Variants in ATP8A1 observed in about 807,000 individuals in gnomAD.
ATP8A1 encodes phospholipid-transporting ATPase IA.
ATP8A1 carries 90 observed loss-of-function variants against 177.7 expected under a neutral mutation model. The observed-to-expected ratio is 0.51, with a 90% CI of 0.43 to 0.60. The LOEUF (loss-of-function observed/expected upper bound fraction) is 0.60. ATP8A1 is among the 20% of genes least tolerant of loss of function. The pLI is 0.00. For synonymous variants in ATP8A1, 493 were observed against 485.9 expected (o/e 1.01, Z -0.19); for missense variants, 1,072 against 1,392.8 (o/e 0.77, Z 3.67).
In ATP8A1 at chr4:42,522,268, C is replaced by G; in HGVS notation, c.1839G>C (p.Glu613Asp). The G allele has an allele frequency of 6.2e-7, 1 of 1,613,776 alleles. No individual in the cohort carries two copies. The stretch of plus-strand genomic sequence containing the variant: ...ACTCCTGAAAGTCGCTCTCTGAAAT[C>G]TCAGCCACAGCAAAACATAAAGTTC... Reference protein sequence around the residue: ...GLRTLCFAVAEISESDFQEWR... With the variant: ...GLRTLCFAVADISESDFQEWR... Residue 613 changes from glutamate (E) to aspartate (D), a missense_variant, in exon 22 of 37, where the codon GAG (glutamate) becomes GAC (aspartate). Glu to Asp is a conservative substitution (Grantham distance 45). Transcript: ENST00000381668.
At chr4:42,420,489 C>A (rs1214370332) in intron 35 of ATP8A1, among the ~76,000 whole-genome samples, 1 of 152,156 alleles carries the variant, frequency 6.6e-6, no homozygotes, top group East Asian at 1.9e-4. Context: ...CCTTTTTGGG[C>A]TCTCTGGCTT....
intron 24 of ATP8A1, among the ~76,000 whole-genome samples, chr4:42,498,790 G>A (rs1723534370): frequency 4.6e-5 from 7 of 152,038 alleles, no homozygotes; most frequent in Admixed American, 4.6e-4. Context: ...AAATGAGATG[G>A]ACATTTTCAT....
chr4:42,447,262 C>T (rs1389144792), intron 30 of ATP8A1, among the ~76,000 whole-genome samples: 1 of 152,176 alleles, frequency 6.6e-6, no homozygotes, highest in African/African-American at 2.4e-5. Context: ...CGGCTCACTG[C>T]AACCTCCGCT....
intron 1 of ATP8A1, among the ~76,000 whole-genome samples, chr4:42,630,767 G>A (rs557338192): frequency 6.6e-6 from 1 of 152,316 alleles, no homozygotes; most frequent in African/African-American, 2.4e-5. Context: ...CATGCAATGG[G>A]TTTGAACTCC....
At chr4:42,625,891 AATGGTAAAGC>A in intron 2 of ATP8A1, 178 bp from the exon 3 acceptor site, 3 of 430,318 alleles carry the variant, frequency 7.0e-6, no homozygotes, top group Non-Finnish European at 1.3e-5. Flanking sequence ...AGGTTAAATA[AATGGTAAAGC>A]ATGAATACCA....
At chr4:42,529,489 T>A (rs1414246235) in intron 20 of ATP8A1, among the ~76,000 whole-genome samples, 1 of 152,168 alleles carries the variant, frequency 6.6e-6, no homozygotes, top group Non-Finnish European at 1.5e-5. Context: ...CACTGCATCA[T>A]CAAATTGAAG....
intron 20 of ATP8A1, among the ~76,000 whole-genome samples, chr4:42,542,138 T>C (rs1034291175): frequency 5.9e-5 from 9 of 152,158 alleles, no homozygotes; most frequent in Non-Finnish European, 1.0e-4. Context: ...AGGGTGTATA[T>C]GTGGACTCTA....
intron 17 of ATP8A1, 98 bp downstream of exon 17, chr4:42,552,407 A>G: frequency 1.2e-5 from 12 of 1,004,862 alleles, no homozygotes; most frequent in Middle Eastern, 2.1e-4. Context: ...TTTTTATCTA[A>G]AAAACACTCA....
At chr4:42,569,593 T>C (rs1449133125) in intron 14 of ATP8A1, among the ~76,000 whole-genome samples, 1 of 152,206 alleles carries the variant, frequency 6.6e-6, no homozygotes, top group Non-Finnish European at 1.5e-5. Context: ...CATGCTAATA[T>C]CTTGAAACAA....
At chr4:42,656,095 C>G (rs1030063325) in intron 1 of ATP8A1, among the ~76,000 whole-genome samples, 2 of 152,168 alleles carry the variant, frequency 1.3e-5, no homozygotes, top group African/African-American at 2.4e-5. Context: ...TCTGGGCCCT[C>G]GGAAAGCTTA....
intron 24 of ATP8A1, among the ~76,000 whole-genome samples, chr4:42,496,757 C>G (rs1723310504): frequency 6.6e-6 from 1 of 151,960 alleles, no homozygotes; most frequent in Admixed American, 6.6e-5. Flanking sequence ...CATATACACA[C>G]ATATATATAC....
chr4:42,623,888 G>T (rs1453295090), intron 4 of ATP8A1, among the ~76,000 whole-genome samples: 2 of 152,100 alleles, frequency 1.3e-5, no homozygotes, highest in Non-Finnish European at 2.9e-5. Context: ...ATATATATAT[G>T]AAGTAGTTTA....
rs148453398 is a variant in ATP8A1 at position 42,483,705 on chromosome 4, T to C, written c.2324+1791A>G. 5.9e-3 allele frequency among the ~76,000 whole-genome samples: 896 copies of C among 152,332 alleles called. 9 individuals are homozygous for C. Among genetic ancestry groups the C allele is most frequent in the African/African-American group, 0.02 (841 of 41,568 alleles). ...CTCTCCCTCTGCTATTGTTTAATTT[T>C]GTGGTTCGACTTTTTGAAGAATGGT... On this transcript the variant is annotated intron_variant, in intron 25 of 36. Coordinates refer to ENST00000381668, the MANE Select transcript of ATP8A1 (RefSeq NM_006095.2).
At chr4:42,428,689 A>G (rs1324524236) in intron 33 of ATP8A1, among the ~76,000 whole-genome samples, 1 of 152,222 alleles carries the variant, frequency 6.6e-6, no homozygotes, top group Non-Finnish European at 1.5e-5. Flanking sequence ...GAATGTCCTC[A>G]GAATAGAATA....
intron 33 of ATP8A1, among the ~76,000 whole-genome samples, chr4:42,429,490 G>A (rs1215293111): frequency 1.3e-5 from 2 of 152,010 alleles, no homozygotes; most frequent in East Asian, 3.9e-4. Flanking sequence ...TACACAGTAT[G>A]AACACTTTGC....
intron 1 of ATP8A1, chr4:42,637,196 G>A: frequency 3.9e-6 from 2 of 518,964 alleles, no homozygotes; most frequent in Non-Finnish European, 7.7e-6. Flanking sequence ...TGGAACCACA[G>A]TGCAATTTTC....
intron 5 of ATP8A1, among the ~76,000 whole-genome samples, chr4:42,601,038 T>C (rs1375726751): frequency 2.9e-5 from 4 of 139,820 alleles, no homozygotes; most frequent in African/African-American, 7.9e-5. Context: ...ATTTTCTTTT[T>C]TTTTTTTTTT....
chr4:42,487,411 G>T (rs1195200122), intron 24 of ATP8A1, among the ~76,000 whole-genome samples: 1 of 151,976 alleles, frequency 6.6e-6, no homozygotes, highest in Non-Finnish European at 1.5e-5. Context: ...GAGCCCTACC[G>T]TGGTGAAGAA....
intron 25 of ATP8A1, among the ~76,000 whole-genome samples, chr4:42,477,806 T>TAAAA (rs752928528): frequency 9.7e-6 from 1 of 103,054 alleles, no homozygotes; most frequent in South Asian, 3.1e-4. Context: ...ACCCTGTCTC[T>TAAAA]AAAAAAAAAA....
Sources: gnomAD v4.1 joint callset for allele counts (sites outside exome capture counted in the v4.1 genomes callset) on GRCh38, gnomAD v4.1.1 for gene constraint, MANE v1.5 for transcripts, NCBI Gene and HGNC (gene_info 2026-07-23, HGNC 2026-07-21) for gene names.